ANKRD11: variants seen among roughly 807,000 people sequenced by gnomAD.
The protein encoded by ANKRD11 is ankyrin repeat domain 11.
A neutral mutation model predicts 195.7 loss-of-function variants in ANKRD11; 17 were observed. The ratio of observed to expected loss-of-function variants is 0.09; its 90% CI spans 0.06 to 0.13. ANKRD11 has a LOEUF of 0.13. Among genes scored for constraint, ANKRD11 ranks in the 10% least tolerant of loss-of-function variants. The probability of loss-of-function intolerance (pLI) is 1.00; values close to 1 mark genes in which losing one functional copy is unlikely to be tolerated. For synonymous variants in ANKRD11, 1,953 were observed against 1,528.1 expected (o/e 1.28, Z -6.49); for missense variants, 3,735 against 3,566.1 (o/e 1.05, Z -1.21).
rs1347950660 is a variant in ANKRD11 at position 89,280,416 on chromosome 16, G to A, written c.6126C>T (p.Asp2042=). The A allele has an allele frequency of 3.8e-6, 6 of 1,565,236 alleles. No homozygotes were observed. In the African/African-American group the frequency reaches 4.1e-5, roughly 11 times the overall value. ...PGLEDVKDGV[D]AVPAAISTSE... is the part of the protein sequence containing the mutation. ...AGGTGGAGATGGCGGCGGGGACGGC[G>A]TCCACTCCGTCCTTGACGTCCTCCA... is the stretch of plus-strand genomic sequence containing the variant. The change falls in exon 9 of 13, where the codon GAC becomes GAT. Residue 2042 remains aspartate (D), a synonymous_variant. Coordinates refer to ENST00000301030, the MANE Select transcript of ANKRD11 (RefSeq NM_013275.6).
intron 1 of ANKRD11, among the ~76,000 whole-genome samples, chr16:89,479,594 C>G (rs530570084): frequency 8.0e-5 from 12 of 149,348 alleles, no homozygotes; most frequent in South Asian, 2.1e-4. Flanking sequence ...GAGATCACAC[C>G]ACTGCACTCC....
At chr16:89,323,292 G>C (rs1049838899) in intron 2 of ANKRD11, 191 of 1,288,790 alleles carry the variant, frequency 1.5e-4, no homozygotes, top group Non-Finnish European at 1.9e-4. Context: ...CAAAGCCCTT[G>C]AGTGACACAC....
chr16:89,423,310 C>T (rs1041488588), intron 1 of ANKRD11, among the ~76,000 whole-genome samples: 1 of 152,240 alleles, frequency 6.6e-6, no homozygotes, highest in Admixed American at 6.5e-5. Flanking sequence ...TGGGCATCTG[C>T]CCCCGACACT....
intron 1 of ANKRD11, among the ~76,000 whole-genome samples, chr16:89,481,124 C>T (rs545458460): frequency 6.6e-6 from 1 of 152,320 alleles, no homozygotes; most frequent in South Asian, 2.1e-4. Context: ...ATGTTTGCCC[C>T]ATTCCCTCCA....
rs1276054196 is a variant in ANKRD11 at position 89,284,564 on chromosome 16, C to T, written c.1978G>A (p.Glu660Lys). ...QELKLKSFTY[E>K]YEDSKQKSDK... ...GACTTCTGCTTGGAGTCCTCATATT[C>T]GTAAGTAAAACTTTTCAACTTCAGC... Residue 660 changes from glutamate to lysine, a missense_variant, in exon 9 of 13, where the codon GAA becomes AAA. Physicochemically the swap from Glu to Lys is moderately conservative, Grantham distance 56 (BLOSUM62 1). Transcript: ENST00000301030. The T allele has an allele frequency of 6.2e-7, 1 of 1,614,130 alleles. No individual in the cohort carries two copies.
chr16:89,436,136 C>T (rs1459394047), intron 1 of ANKRD11, among the ~76,000 whole-genome samples: 2 of 152,060 alleles, frequency 1.3e-5, no homozygotes, highest in East Asian at 1.9e-4. Flanking sequence ...ATAATTCGGC[C>T]GGGCACAGTG....
chr16:89,460,359 A>C (rs2056608938), intron 1 of ANKRD11, among the ~76,000 whole-genome samples: 2 of 152,020 alleles, frequency 1.3e-5, no homozygotes, highest in South Asian at 4.1e-4. Flanking sequence ...GGAGTTCAAG[A>C]CCAGCCTGGC....
chr16:89,384,874 G>GT lies in ANKRD11; in HGVS notation c.-60+33409dup, dbSNP rs1257714722. 2.1e-4 allele frequency among the ~76,000 whole-genome samples: 15 copies of GT among 72,748 alleles called. No individual in the cohort carries two copies. In the East Asian group the frequency reaches 2.6e-3, roughly 13 times the overall value. 47.7% of individuals were successfully genotyped at this position (72,748 alleles called of 152,430 possible). A position where few individuals can be genotyped will look rare whatever the true frequency, so the allele number is the denominator to read the frequency against. On this transcript the variant is annotated intron_variant, in intron 2 of 12. Transcript: ENST00000301030. Reference sequence around the variant, plus strand: ...GTGTGGGAGCACACAATGAGAAATAGTTTTCTTTTTTTTTTTTTTTTTTTT... The same window carrying GT: ...GTGTGGGAGCACACAATGAGAAATAGTTTTTCTTTTTTTTTTTTTTTTTTTT...
chr16:89,323,550 AGGGGGTCT>A (rs1567645814), intron 2 of ANKRD11, among the ~76,000 whole-genome samples: 1 of 30,282 alleles, frequency 3.3e-5, no homozygotes, highest in Non-Finnish European at 7.0e-5. Flanking sequence ...AGCCGAGGGC[AGGGGGTCT>A]GAGCTAAGGG....
intron 2 of ANKRD11, among the ~76,000 whole-genome samples, chr16:89,356,403 C>A (rs2039474666): frequency 6.6e-6 from 1 of 151,620 alleles, no homozygotes; most frequent in African/African-American, 2.4e-5. Flanking sequence ...GCTCCGGAAG[C>A]CAGATGGAGC....
chr16:89,359,698 A>G (rs2039645260), intron 2 of ANKRD11, among the ~76,000 whole-genome samples: 1 of 152,198 alleles, frequency 6.6e-6, no homozygotes. Flanking sequence ...GGAACTGGGT[A>G]ACTGTACAAG....
intron 3 of ANKRD11, among the ~76,000 whole-genome samples, chr16:89,311,835 T>A (rs2036622937): frequency 6.6e-6 from 1 of 152,224 alleles, no homozygotes; most frequent in African/African-American, 2.4e-5. Context: ...TTTTTCTTTC[T>A]TAAAGTGGGA....
intron 1 of ANKRD11, among the ~76,000 whole-genome samples, chr16:89,436,148 C>T (rs925984090): frequency 1.3e-5 from 2 of 152,278 alleles, no homozygotes; most frequent in Middle Eastern, 3.4e-3. Flanking sequence ...GGCACAGTGG[C>T]TCATGCCTGT....
chr16:89,316,845 A>G, intron 3 of ANKRD11, 88 bp downstream of exon 3: 2 of 1,487,970 alleles, frequency 1.3e-6, no homozygotes, highest in Non-Finnish European at 1.8e-6. Context: ...GAGGGCGGAG[A>G]ACAGGCCACA....
chr16:89,317,992 G>T (rs896411506), intron 2 of ANKRD11, among the ~76,000 whole-genome samples: 2 of 152,160 alleles, frequency 1.3e-5, no homozygotes, highest in Non-Finnish European at 2.9e-5. Context: ...AAGCCTGCAA[G>T]AACTTTCCGA....
intron 2 of ANKRD11, among the ~76,000 whole-genome samples, chr16:89,396,563 G>C (rs2041441013): frequency 6.6e-6 from 1 of 151,802 alleles, no homozygotes; most frequent in South Asian, 2.1e-4. Context: ...ACTTCAACTA[G>C]AACAACATAT....
chr16:89,393,673 A>C (rs1373589850), intron 2 of ANKRD11, among the ~76,000 whole-genome samples: 7 of 151,450 alleles, frequency 4.6e-5, no homozygotes, highest in African/African-American at 1.5e-4. Flanking sequence ...AATCACGTCC[A>C]CCTCAGAGGA....
intron 2 of ANKRD11, among the ~76,000 whole-genome samples, chr16:89,362,636 A>T (rs1420690674): frequency 6.6e-6 from 1 of 152,256 alleles, no homozygotes; most frequent in Non-Finnish European, 1.5e-5. Context: ...ATTTATTCAA[A>T]GACCTGTGCT....
At chr16:89,415,485 T>C (rs1480636170) in intron 2 of ANKRD11, among the ~76,000 whole-genome samples, 3 of 147,542 alleles carry the variant, frequency 2.0e-5, no homozygotes, top group Non-Finnish European at 4.5e-5. Context: ...AGGATGGTCT[T>C]GATCTCCTGA....
Sources: gnomAD v4.1 joint callset for allele counts (sites outside exome capture counted in the v4.1 genomes callset) on GRCh38, gnomAD v4.1.1 for gene constraint, MANE v1.5 for transcripts, NCBI Gene and HGNC (gene_info 2026-07-23, HGNC 2026-07-21) for gene names.